Variants in CCDC9 observed in about 807,000 individuals in gnomAD.
The protein encoded by CCDC9 is coiled-coil domain-containing protein 9.
A neutral mutation model predicts 65.6 loss-of-function variants in CCDC9; 52 were observed. The observed-to-expected ratio is 0.79, with a 90% CI of 0.63 to 1.00. CCDC9 has a LOEUF of 1.00. CCDC9 is among the 50% of genes least tolerant of loss of function. The pLI is 0.00. For synonymous variants in CCDC9, 332 were observed against 280.3 expected, an observed-to-expected ratio of 1.18 and a Z score of -1.84; for missense variants, 834 against 757.2, an observed-to-expected ratio of 1.10 and a Z score of -1.19.
intron 4 of CCDC9, 70 bp downstream of exon 4, chr19:47,260,492 G>A: frequency 6.2e-7 from 1 of 1,603,002 alleles, no homozygotes; most frequent in Non-Finnish European, 8.5e-7. Flanking sequence ...TGGGACCCAG[G>A]AGCCCCCAGC....
At chr19:47,275,087 A>G, downstream of CCDC9, 1 of 1,493,412 alleles carries the variant, frequency 6.7e-7, no homozygotes, top group Non-Finnish European at 8.9e-7. Flanking sequence ...TCATCTGGGT[A>G]CCCACGCGGT....
At chr19:47,272,911 G>A (rs2059132477), downstream of CCDC9, among the ~76,000 whole-genome samples, 1 of 152,126 alleles carries the variant, frequency 6.6e-6, no homozygotes, top group African/African-American at 2.4e-5. Flanking sequence ...CCCCCAGAGT[G>A]GGATTAGGAT....
downstream of CCDC9, chr19:47,272,311 A>T: frequency 3.4e-4 from 98 of 292,420 alleles, no homozygotes; most frequent in Non-Finnish European, 3.6e-4. Context: ...TCGGATAGGG[A>T]TGGGGGGCTG....
intron 8 of CCDC9, among the ~76,000 whole-genome samples, chr19:47,267,229 G>A (rs1568639693): frequency 6.6e-6 from 1 of 151,962 alleles, no homozygotes; most frequent in Non-Finnish European, 1.5e-5. Context: ...CTCCCAAAGT[G>A]CTGAGATTAC....
At chr19:47,263,329 G>A (rs796355720) in intron 5 of CCDC9, among the ~76,000 whole-genome samples, 4 of 152,224 alleles carry the variant, frequency 2.6e-5, no homozygotes, top group African/African-American at 9.6e-5. Flanking sequence ...CACAGTGAAA[G>A]AGATCACAAA....
At chr19:47,256,900 G>T (rs955010923) in intron 1 of CCDC9, among the ~76,000 whole-genome samples, 2 of 151,752 alleles carry the variant, frequency 1.3e-5, no homozygotes, top group Non-Finnish European at 2.9e-5. Flanking sequence ...TGTGTGGCGG[G>T]GCTCGGACGC....
intron 8 of CCDC9, among the ~76,000 whole-genome samples, chr19:47,267,351 T>G (rs535535440): frequency 6.6e-6 from 1 of 152,256 alleles, no homozygotes; most frequent in South Asian, 2.1e-4. Context: ...GGATCTCAGC[T>G]CACTGCAACC....
At chr19:47,263,014 G>T (rs2059055770) in intron 5 of CCDC9, among the ~76,000 whole-genome samples, 1 of 151,072 alleles carries the variant, frequency 6.6e-6, no homozygotes, top group East Asian at 2.0e-4. Context: ...CACTTGGGAG[G>T]CTGAGCCTGG....
chr19:47,257,340 G>T (rs958698080), intron 1 of CCDC9, among the ~76,000 whole-genome samples: 5 of 151,448 alleles, frequency 3.3e-5, no homozygotes, highest in Non-Finnish European at 5.9e-5. Flanking sequence ...GGCGGGTGTA[G>T]GCTGTTGCCT....
intron 8 of CCDC9, among the ~76,000 whole-genome samples, chr19:47,267,979 C>T (rs965326331): frequency 6.6e-6 from 1 of 152,128 alleles, no homozygotes; most frequent in African/African-American, 2.4e-5. Flanking sequence ...TCCTGAGTAG[C>T]TGGGATTACA....
chr19:47,273,025 C>T (rs2059132946), downstream of CCDC9, among the ~76,000 whole-genome samples: 1 of 111,162 alleles, frequency 9.0e-6, no homozygotes, highest in African/African-American at 3.5e-5. Context: ...TTGATGAAGG[C>T]CGTGAGATGG....
intron 5 of CCDC9, among the ~76,000 whole-genome samples, chr19:47,263,220 T>G (rs1315931139): frequency 2.0e-5 from 3 of 152,164 alleles, no homozygotes; most frequent in Non-Finnish European, 4.4e-5. Context: ...TTACCACCAC[T>G]ATGATTGCGG....
Position 47,260,639 on chromosome 19 carries a change from G to T in CCDC9, c.262G>T (p.Gly88Trp), listed in dbSNP as rs1378029840. The T allele has an allele frequency of 3.9e-6, 6 of 1,523,690 alleles. No homozygotes were observed. Among genetic ancestry groups the T allele is most frequent in the Non-Finnish European group, 5.2e-6 (6 of 1,145,084 alleles). 94.4% of individuals were successfully genotyped at this position (1,523,690 alleles called of 1,614,324 possible). A position where few individuals can be genotyped will look rare whatever the true frequency, so the allele number is the denominator to read the frequency against. The change falls in exon 5 of 12, where the codon GGG (glycine) becomes TGG (tryptophan). Residue 88 changes from glycine (G) to tryptophan (W), a missense_variant. Coordinates refer to ENST00000221922, the MANE Select transcript of CCDC9 (RefSeq NM_015603.3). ...GTCTCCTGGGACCCCTCGGCCCCCA[G>T]GGGCCAGCAAGGGGGGCCGGACTCC... ...RRSPGTPRPP[G>W]ASKGGRTPPQ...
intron 8 of CCDC9, among the ~76,000 whole-genome samples, chr19:47,267,525 T>C (rs944022944): frequency 6.6e-6 from 1 of 152,174 alleles, no homozygotes; most frequent in Non-Finnish European, 1.5e-5. Flanking sequence ...GTGAATTCAC[T>C]CTGCGCCAGG....
rs775178521 is a variant in CCDC9, at chr19:47,271,276, A to C, written c.1194A>C (p.Pro398=). The C allele has an allele frequency of 6.2e-7, 1 of 1,612,278 alleles. No individual in the cohort carries two copies. Among genetic ancestry groups the C allele is most frequent in the South Asian group, 1.1e-5 (1 of 90,744 alleles). ...CTGACTTGCCTGTGTCCCCAAAGCC[A>C]CCCGAGATCCCAGCTCCTGCCCACC... ...ETSPKETPMQ[P]PEIPAPAHRP... The change falls in exon 12 of 12, where the codon CCA becomes CCC. Residue 398 remains proline, a splice_region_variant and synonymous_variant. Transcript: ENST00000221922.
chr19:47,269,298 C>T lies in CCDC9; in HGVS notation c.903-1109C>T, dbSNP rs1196657337. Reference sequence around the variant, plus strand: ...CAGAAGGATAATGATGCAGAGTAAGCAGCCAGGGTGGAGGTTAGAATTTTA... The same window carrying T: ...CAGAAGGATAATGATGCAGAGTAAGTAGCCAGGGTGGAGGTTAGAATTTTA... On this transcript the variant is annotated intron_variant, in intron 8 of 11. Transcript: ENST00000221922. 2.6e-5 allele frequency among the ~76,000 whole-genome samples: 4 copies of T among 151,908 alleles called. No individual in the cohort carries two copies. The East Asian group carries it at 7.7e-4, about 29-fold the overall frequency.
chr19:47,270,952 C>A (rs538426036), intron 10 of CCDC9, 130 bp from the exon 11 acceptor site: 69 of 773,478 alleles, frequency 8.9e-5, no homozygotes, highest in Non-Finnish European at 1.3e-4. Flanking sequence ...GACACACATC[C>A]GCCATTCCCT....
Position 47,271,914 on chromosome 19 carries a change from C to T in CCDC9, c.*236C>T, listed in dbSNP as rs995150090. On this transcript the variant is annotated 3_prime_UTR_variant, in exon 12 of 12. Transcript: ENST00000221922. ...TCCACTCCCAGAGCCTGCCCCAGCCCTTCGAGCCCCCTCCCCAATAAAGAA... is the reference window on the plus strand; with the variant it reads ...TCCACTCCCAGAGCCTGCCCCAGCCTTTCGAGCCCCCTCCCCAATAAAGAA... 18 of 1,305,740 alleles carry T rather than the reference C, an allele frequency of 1.4e-5. No homozygotes were observed. The highest frequency in any genetic ancestry group is 3.5e-5 in the Admixed American group (1 of 28,452). The allele number at this position is 1,305,740 out of a possible 1,614,324, so 80.9% of individuals were successfully genotyped here.
chr19:47,274,990 G>T, downstream of CCDC9: 2 of 1,468,068 alleles, frequency 1.4e-6, no homozygotes, highest in Non-Finnish European at 9.0e-7. Context: ...GAGGGCCCGC[G>T]GGGGCGCTGG....
Sources: allele counts gnomAD v4.1 joint callset (sites outside exome capture counted in the v4.1 genomes callset), GRCh38; gene constraint gnomAD v4.1.1; transcripts MANE v1.5; gene names NCBI Gene and HGNC (gene_info 2026-07-23, HGNC 2026-07-21).